ATP2B2: variants seen among roughly 807,000 people sequenced by gnomAD.
The protein encoded by ATP2B2 is ATPase plasma membrane Ca2+ transporting 2, also known as plasma membrane calcium-transporting ATPase 2.
Under a neutral mutation model 120.0 loss-of-function variants are expected in ATP2B2, and 15 were observed. That is an observed-to-expected ratio of 0.12 (90% CI 0.08 to 0.19). The LOEUF (loss-of-function observed/expected upper bound fraction) is 0.19. Ranked by LOEUF, ATP2B2 falls within the 10% of genes least tolerant of loss-of-function variation. ATP2B2 has a pLI of 1.00. For synonymous variants in ATP2B2, 694 were observed against 700.3 expected, an observed-to-expected ratio of 0.99 and a Z score of 0.14; for missense variants, 1,045 against 1,719.8, an observed-to-expected ratio of 0.61 and a Z score of 6.94.
intron 1 of ATP2B2, among the ~76,000 whole-genome samples, chr3:10,671,076 T>A (rs979745673): frequency 6.6e-6 from 1 of 152,188 alleles, no homozygotes; most frequent in South Asian, 2.1e-4. Context: ...TCATGTCTCA[T>A]CTAAATAGAG....
intron 3 of ATP2B2, among the ~76,000 whole-genome samples, chr3:10,523,920 C>T (rs2067036996): frequency 1.3e-5 from 2 of 151,918 alleles, no homozygotes; most frequent in Admixed American, 1.3e-4. Context: ...CTTGTGAGAG[C>T]AGCCCACTGA....
intron 2 of ATP2B2, among the ~76,000 whole-genome samples, chr3:10,579,065 T>C (rs1040430057): frequency 7.2e-5 from 11 of 152,246 alleles, no homozygotes; most frequent in Admixed American, 2.6e-4. Flanking sequence ...TTTTACTCAA[T>C]GAGAGAAAGA....
chr3:10,400,141 C>T (rs1341029403), intron 5 of ATP2B2, among the ~76,000 whole-genome samples: 1 of 152,266 alleles, frequency 6.6e-6, no homozygotes, highest in Non-Finnish European at 1.5e-5. Flanking sequence ...TGTCTCACCC[C>T]TGCAGGGTTT....
chr3:10,358,904 C>T lies in ATP2B2; in HGVS notation c.1923G>A (p.Gly641=). The change falls in exon 14 of 23, where the codon GGG becomes GGA. Residue 641 remains glycine (G), a synonymous_variant. Coordinates refer to ENST00000360273, the MANE Select transcript of ATP2B2 (RefSeq NM_001001331.4). The part of the protein sequence containing the change: ...VLKKCCKILN[G]AGEPRVFRPR... ...GCCGGAAGACACGAGGCTCTCCCGCCCCATTGAGGATTTTGCAGCACCTAG... is the reference window on the plus strand; with the variant it reads ...GCCGGAAGACACGAGGCTCTCCCGCTCCATTGAGGATTTTGCAGCACCTAG... The T allele has an allele frequency of 1.2e-6, 2 of 1,613,896 alleles. No homozygotes were observed. The highest frequency in any genetic ancestry group is 1.7e-6 in the Non-Finnish European group (2 of 1,180,000).
chr3:10,433,541 C>A (rs943123323), intron 2 of ATP2B2, among the ~76,000 whole-genome samples: 2 of 152,190 alleles, frequency 1.3e-5, no homozygotes, highest in Non-Finnish European at 2.9e-5. Context: ...ACAAGTCACT[C>A]TCTCAGCCTC....
intron 2 of ATP2B2, among the ~76,000 whole-genome samples, chr3:10,552,991 A>C (rs1049193684): frequency 7.9e-5 from 12 of 152,200 alleles, no homozygotes; most frequent in Non-Finnish European, 1.5e-4. Context: ...ATTGCTCCTC[A>C]AGGGCATCCA....
At chr3:10,370,310 C>T (rs150816315) in intron 12 of ATP2B2, among the ~76,000 whole-genome samples, 23 of 152,356 alleles carry the variant, frequency 1.5e-4, no homozygotes, top group South Asian at 8.3e-4. Flanking sequence ...TTCTGGGAAT[C>T]GCCCTGTTCC....
At chr3:10,673,910 A>G (rs914064514) in intron 1 of ATP2B2, among the ~76,000 whole-genome samples, 5 of 152,116 alleles carry the variant, frequency 3.3e-5, no homozygotes, top group East Asian at 3.9e-4. Context: ...GAGAACATAC[A>G]AAAATGATGG....
chr3:10,441,297 C>A (rs2063656771), intron 2 of ATP2B2, among the ~76,000 whole-genome samples: 1 of 152,126 alleles, frequency 6.6e-6, no homozygotes, highest in Non-Finnish European at 1.5e-5. Context: ...CTCTGTCACC[C>A]AGGCTGATCT....
chr3:10,338,408 C>A, intron 21 of ATP2B2, 50 bp from the exon 22 acceptor site: 2 of 1,605,888 alleles, frequency 1.2e-6, no homozygotes, highest in Non-Finnish European at 1.7e-6. Context: ...TTCCCAGTGG[C>A]CTTCTCTCCC....
intron 2 of ATP2B2, among the ~76,000 whole-genome samples, chr3:10,537,993 C>T (rs2067355878): frequency 6.6e-6 from 1 of 152,168 alleles, no homozygotes; most frequent in Non-Finnish European, 1.5e-5. Flanking sequence ...GAATAAACCC[C>T]ACTTGGTCAT....
Position 10,617,484 on chromosome 3 carries a change from C to T in ATP2B2, c.-415+2433G>A, listed in dbSNP as rs6802970. On this transcript the variant is annotated intron_variant, in intron 2 of 21. Transcript: ENST00000646379. ...AGAGCCTGGTTACTTAGGAAGGGAA[C>T]GAAAGGAGGTGGCCTCGCTGTTTGC... Among the ~76,000 whole-genome samples, 18 of 152,060 alleles carry T rather than the reference C, an allele frequency of 1.2e-4. 1 individual carries two copies. Among genetic ancestry groups the T allele is most frequent in the Admixed American group, 3.9e-4 (6 of 15,272 alleles).
Position 10,378,428 on chromosome 3 carries a change from C to A in ATP2B2, c.1043-18G>T, listed in dbSNP as rs773384958. On this transcript the variant is annotated intron_variant, in intron 9 of 22. Coordinates refer to ENST00000360273, the MANE Select transcript of ATP2B2 (RefSeq NM_001001331.4). ...TTGTTTGGCTGCAGGGGGCAGATCA[C>A]GCACGTGCATACACACAGACACATA... 1.3e-6 allele frequency: 2 copies of A among 1,599,648 alleles called. No individual in the cohort carries two copies. The highest frequency in any genetic ancestry group is 2.7e-5 in the African/African-American group (2 of 74,940).
At chr3:10,650,083 G>C (rs911881454) in intron 1 of ATP2B2, among the ~76,000 whole-genome samples, 5 of 152,234 alleles carry the variant, frequency 3.3e-5, no homozygotes, top group Admixed American at 1.3e-4. Context: ...CTTTGGAATT[G>C]GGTAACAGGC....
intron 14 of ATP2B2, 114 bp downstream of exon 14, chr3:10,358,577 G>T: frequency 1.0e-6 from 1 of 982,066 alleles, no homozygotes; most frequent in Non-Finnish European, 1.6e-6. Flanking sequence ...ATCCCCATGG[G>T]CATTATGTGG....
At chr3:10,349,963 G>A (rs1015801612) in intron 16 of ATP2B2, 149 bp downstream of exon 16, 2 of 757,394 alleles carry the variant, frequency 2.6e-6, no homozygotes, top group Admixed American at 5.2e-5. Context: ...GGCTGAAAAG[G>A]GGGTGACATA....
Position 10,542,502 on chromosome 3 carries a change from C to G in ATP2B2, c.-414-8369G>C, listed in dbSNP as rs146203657. Among the ~76,000 whole-genome samples, 11 of 152,292 alleles carry G rather than the reference C, an allele frequency of 7.2e-5. No homozygotes were observed. In the East Asian group the frequency reaches 2.1e-3, roughly 29 times the overall value. On this transcript the variant is annotated intron_variant, in intron 2 of 21. Coordinates refer to the ATP2B2 transcript ENST00000646379. ...AATTGTCTCCTTTCTGTTTGGAGAA[C>G]TACAGCCATTCTTTTAGGATAGGTC... is the stretch of plus-strand genomic sequence containing the variant.
intron 1 of ATP2B2, among the ~76,000 whole-genome samples, chr3:10,684,591 T>C (rs1032884303): frequency 1.3e-5 from 2 of 152,254 alleles, no homozygotes; most frequent in Non-Finnish European, 2.9e-5. Flanking sequence ...GCCACTGATA[T>C]GCTATCTGTC....
intron 2 of ATP2B2, among the ~76,000 whole-genome samples, chr3:10,574,492 T>G (rs985360370): frequency 6.6e-6 from 1 of 152,214 alleles, no homozygotes; most frequent in African/African-American, 2.4e-5. Context: ...ATTCTCCATA[T>G]CAACCTTTTC....
Sources: gnomAD v4.1 joint callset for allele counts (sites outside exome capture counted in the v4.1 genomes callset) on GRCh38, gnomAD v4.1.1 for gene constraint, MANE v1.5 for transcripts, NCBI Gene and HGNC (gene_info 2026-07-23, HGNC 2026-07-21) for gene names.